The following TPRG1L variants were observed in gnomAD, a reference collection of about 807,000 sequenced individuals.
The protein encoded by TPRG1L is tumor protein p63 regulated 1 like.
Under a neutral mutation model 29.4 loss-of-function variants are expected in TPRG1L, and 25 were observed. The observed-to-expected ratio is 0.85, with a 90% CI of 0.62 to 1.19. The LOEUF is 1.19. Among genes scored for constraint, TPRG1L ranks in the 50% most tolerant of loss-of-function variants. The pLI is 0.00. For synonymous variants in TPRG1L, 182 were observed against 151.1 expected, an observed-to-expected ratio of 1.20 and a Z score of -1.50; for missense variants, 354 against 364.4, an observed-to-expected ratio of 0.97 and a Z score of 0.23.
At chr1:3,625,677 G>T in intron 2 of TPRG1L, 36 bp from the exon 3 acceptor site, 1 of 1,592,038 alleles carries the variant, frequency 6.3e-7, no homozygotes, top group Non-Finnish European at 8.6e-7. Flanking sequence ...AGACAGCCGC[G>T]TCCAGTGTGG....
At position 3,625,532 on chromosome 1, in the gene TPRG1L, C is replaced by T. The variant is rs768248455; in HGVS notation, c.293+17C>T. The T allele has an allele frequency of 1.9e-6, 3 of 1,585,738 alleles. No homozygotes were observed. Among genetic ancestry groups the T allele is most frequent in the Non-Finnish European group, 2.6e-6 (3 of 1,168,102 alleles). On this transcript the variant is annotated intron_variant, in intron 2 of 4. Transcript: ENST00000378344. ...GCTTACCGAGTAAGCCGGGGCTGCG[C>T]TCTCCTTGGTGGGGGGACTCGCCCC...
In TPRG1L at chr1:3,625,110, C is replaced by A; in HGVS notation, c.38C>A (p.Thr13Lys). The A allele has an allele frequency of 8.2e-7, 1 of 1,224,636 alleles. No homozygotes were observed. The allele number at this position is 1,224,636 out of a possible 1,614,324, so 75.9% of individuals were successfully genotyped here. ...CGGGACTCGGTGGACTCGGCCGGTA[C>A]GAGCCCCACGGCGGTGCTGGCGGCC... ...QLRDSVDSAGTSPTAVLAAGE... is the reference protein window; with the variant it reads ...QLRDSVDSAGKSPTAVLAAGE... The change falls in exon 1 of 5, where the codon ACG becomes AAG. Residue 13 changes from threonine to lysine, a missense_variant. Transcript: ENST00000378344.
In TPRG1L at chr1:3,628,546, C is replaced by G; in HGVS notation, c.762C>G (p.Phe254Leu). 6.2e-7 allele frequency: 1 copy of G among 1,613,230 alleles called. No individual in the cohort carries two copies. Among genetic ancestry groups the G allele is most frequent in the South Asian group, 1.1e-5 (1 of 91,010 alleles). The change falls in exon 5 of 5, where the codon TTC becomes TTG. Residue 254 changes from phenylalanine to leucine, a missense_variant. Transcript: ENST00000378344. ...AGACCTACGTGGGACTCATGTCCTTCATTAACAACGAGGCGAAACTGGGCT... is the reference window on the plus strand; with the variant it reads ...AGACCTACGTGGGACTCATGTCCTTGATTAACAACGAGGCGAAACTGGGCT... ...LIETYVGLMS[F>L]INNEAKLGYS...
rs1240839032 is a variant in TPRG1L, at chr1:3,629,869, C to T, written c.*1266C>T. 3 of 152,224 alleles carry T rather than the reference C, an allele frequency of 2.0e-5. No individual in the cohort carries two copies. The highest frequency in any genetic ancestry group is 2.0e-4 in the Admixed American group (3 of 15,284). 9.4% of individuals were successfully genotyped at this position (152,224 alleles called of 1,614,324 possible). On this transcript the variant is annotated 3_prime_UTR_variant, in exon 5 of 5. Transcript: ENST00000378344. ...TCCCCACAGGGACCCACGCACCTCC[C>T]TGTATCTGCGCAGCTTGCTCGTGTG...
Position 3,625,785 on chromosome 1 carries a change from C to G in TPRG1L, c.366C>G (p.Tyr122Ter). The change falls in exon 3 of 5, where the codon TAC (tyrosine) becomes TAG (stop). Residue 122 changes from tyrosine (Y) to a stop codon, truncating the protein, a stop_gained. Coordinates refer to ENST00000378344, the MANE Select transcript of TPRG1L (RefSeq NM_182752.4). LOFTEE classifies it high-confidence loss of function. ...AGCAGTCCCTGCTTATCTGTAAATA[C>G]GACTTCATCAGTCTCCAGTGCCAGC... is the stretch of plus-strand genomic sequence containing the variant. ...VTEQSLLICK[Y>*]DFISLQCQQV... 6.2e-7 allele frequency: 1 copy of G among 1,613,756 alleles called. No homozygotes were observed. The highest frequency in any genetic ancestry group is 8.5e-7 in the Non-Finnish European group (1 of 1,180,012).
chr1:3,625,198 G>T lies in TPRG1L; in HGVS notation c.126G>T (p.Leu42=). 7.7e-7 allele frequency: 1 copy of T among 1,292,600 alleles called. No individual in the cohort carries two copies. The allele number at this position is 1,292,600 out of a possible 1,614,324, so 80.1% of individuals were successfully genotyped here. The change falls in exon 1 of 5, where the codon CTG becomes CTT. Residue 42 remains leucine, a synonymous_variant. Transcript: ENST00000378344. ...GGCGGCCGGGGGCGGGGACGCCGCT[G>T]CGCCAGACACTCTGGCCTCTCAGCA... The part of the protein sequence containing the change: ...GGGRPGAGTP[L]RQTLWPLSIH...
intron 2 of TPRG1L, 21 bp downstream of exon 2, chr1:3,625,536 C>A (rs778602427): frequency 6.3e-7 from 1 of 1,581,506 alleles, no homozygotes; most frequent in South Asian, 1.1e-5. Context: ...GCTGCGCTCT[C>A]CTTGGTGGGG....
At position 3,625,056 on chromosome 1, in the gene TPRG1L, C is replaced by G; in HGVS notation, c.-17C>G. 1.7e-6 allele frequency: 2 copies of G among 1,199,624 alleles called. No individual in the cohort carries two copies. Among genetic ancestry groups the G allele is most frequent in the East Asian group, 3.7e-5 (1 of 27,268 alleles). The allele number at this position is 1,199,624 out of a possible 1,614,324, so 74.3% of individuals were successfully genotyped here. A position where few individuals can be genotyped will look rare whatever the true frequency, so the allele number is the denominator to read the frequency against. ...GTCGCGTCGGCGTCAGGGTCGGGGT[C>G]GGTAAGGGGTGCGGCAATGCTGCAA... On this transcript the variant is annotated 5_prime_UTR_variant, in exon 1 of 5. Transcript: ENST00000378344.
intron 4 of TPRG1L, 59 bp from the exon 5 acceptor site, chr1:3,628,350 G>T (rs1365152637): frequency 4.8e-6 from 7 of 1,447,164 alleles, no homozygotes; most frequent in Non-Finnish European, 6.6e-6. Flanking sequence ...ATTTTTTCAA[G>T]TAATAGACAT....
chr1:3,626,775 T>C (rs538582167), intron 3 of TPRG1L, among the ~76,000 whole-genome samples: 5 of 152,066 alleles, frequency 3.3e-5, no homozygotes, highest in Admixed American at 2.0e-4. Flanking sequence ...GATGGGGTTT[T>C]GCTAGGTTGC....
rs947661131 is a variant in TPRG1L at position 3,625,408 on chromosome 1, C to A, written c.202-16C>A. On this transcript the variant is annotated splice_polypyrimidine_tract_variant and intron_variant, in intron 1 of 4. Transcript: ENST00000378344. ...TGTGATCTTTGCCCCCGTCCCCCAC[C>A]CCGCAACCCGCCCAGCCCGGCAGCA... 3.2e-6 allele frequency: 5 copies of A among 1,575,076 alleles called. No homozygotes were observed. In the African/African-American group the frequency reaches 4.0e-5, roughly 13 times the overall value.
rs1644510638 is a variant in TPRG1L, at chr1:3,629,545, G to A, written c.*942G>A. 6.6e-6 allele frequency: 1 copy of A among 150,484 alleles called. No homozygotes were observed. Among genetic ancestry groups the A allele is most frequent in the Admixed American group, 6.6e-5 (1 of 15,052 alleles). The allele number at this position is 150,484 out of a possible 1,614,324, so 9.3% of individuals were successfully genotyped here. On this transcript the variant is annotated 3_prime_UTR_variant, in exon 5 of 5. Coordinates refer to ENST00000378344, the MANE Select transcript of TPRG1L (RefSeq NM_182752.4). ...GTTGCAGAGCAGCCTGGGCAACATG[G>A]TGAAACCCGTCTCTACCAAACAGAC...
chr1:3,625,484 G>T lies in TPRG1L; in HGVS notation c.262G>T (p.Gly88Cys), dbSNP rs1441756679. Residue 88 changes from glycine (G) to cysteine (C), a missense_variant, in exon 2 of 5, where the codon GGC becomes TGC. Gly to Cys is a radical substitution (Grantham distance 159). Transcript: ENST00000378344. ...CGTGGTGGTGCGGCCCGTGGAGGACGGCGAGATCCAGGGAGTGTGGCTGCT... is the reference window on the plus strand; with the variant it reads ...CGTGGTGGTGCGGCCCGTGGAGGACTGCGAGATCCAGGGAGTGTGGCTGCT... Reference protein sequence around the residue: ...IRVVVRPVEDGEIQGVWLLTE... With the variant: ...IRVVVRPVEDCEIQGVWLLTE... 8 of 1,607,516 alleles carry T rather than the reference G, an allele frequency of 5.0e-6. No individual in the cohort carries two copies. The South Asian group carries it at 8.9e-5, about 18-fold the overall frequency.
chr1:3,625,055 T>G lies in TPRG1L; in HGVS notation c.-18T>G. The G allele has an allele frequency of 8.4e-7, 1 of 1,183,918 alleles. No homozygotes were observed. Among genetic ancestry groups the G allele is most frequent in the South Asian group, 4.3e-5 (1 of 23,466 alleles). 73.3% of individuals were successfully genotyped at this position (1,183,918 alleles called of 1,614,324 possible). ...GGTCGCGTCGGCGTCAGGGTCGGGGTCGGTAAGGGGTGCGGCAATGCTGCA... is the reference window on the plus strand; with the variant it reads ...GGTCGCGTCGGCGTCAGGGTCGGGGGCGGTAAGGGGTGCGGCAATGCTGCA... On this transcript the variant is annotated 5_prime_UTR_variant, in exon 1 of 5. Coordinates refer to ENST00000378344, the MANE Select transcript of TPRG1L (RefSeq NM_182752.4).
Position 3,629,704 on chromosome 1 carries a change from G to T in TPRG1L, c.*1101G>T, listed in dbSNP as rs199881245. 3 of 61,598 alleles carry T rather than the reference G, an allele frequency of 4.9e-5. No homozygotes were observed. The highest frequency in any genetic ancestry group is 1.0e-4 in the African/African-American group (3 of 29,816). 3.8% of individuals were successfully genotyped at this position (61,598 alleles called of 1,614,324 possible). ...CACCACTTATTGCACTCCAGCCCGGGCGACAGAGCGAGACTCCATCTACCA... is the reference window on the plus strand; with the variant it reads ...CACCACTTATTGCACTCCAGCCCGGTCGACAGAGCGAGACTCCATCTACCA... On this transcript the variant is annotated 3_prime_UTR_variant, in exon 5 of 5. Coordinates refer to ENST00000378344, the MANE Select transcript of TPRG1L (RefSeq NM_182752.4).
Position 3,625,512 on chromosome 1 carries a change from C to T in TPRG1L, c.290C>T (p.Thr97Ile). 6.2e-7 allele frequency: 1 copy of T among 1,601,460 alleles called. No individual in the cohort carries two copies. Among genetic ancestry groups the T allele is most frequent in the South Asian group, 1.1e-5 (1 of 88,876 alleles). Residue 97 changes from threonine (T) to isoleucine (I), a missense_variant, in exon 2 of 5, where the codon ACC becomes ATC. Thr to Ile is a moderately conservative substitution (Grantham distance 89, BLOSUM62 -1). Transcript: ENST00000378344. ...DGEIQGVWLL[T>I]EVDHWNNEKE... ...GAGATCCAGGGAGTGTGGCTGCTTA[C>T]CGAGTAAGCCGGGGCTGCGCTCTCC...
rs778447648 is a variant in TPRG1L, at chr1:3,628,554, A to T, written c.770A>T (p.Asn257Ile). ...TYVGLMSFIN[N>I]EAKLGYSMTR... ...GTGGGACTCATGTCCTTCATTAACA[A>T]CGAGGCGAAACTGGGCTACTCCATG... The change falls in exon 5 of 5, where the codon AAC becomes ATC. Residue 257 changes from asparagine to isoleucine, a missense_variant. Coordinates refer to ENST00000378344, the MANE Select transcript of TPRG1L (RefSeq NM_182752.4). 6.2e-7 allele frequency: 1 copy of T among 1,613,034 alleles called. No homozygotes were observed. Among genetic ancestry groups the T allele is most frequent in the Non-Finnish European group, 8.5e-7 (1 of 1,179,444 alleles).
In TPRG1L at chr1:3,629,827, G is replaced by C. The variant is rs1253915227; in HGVS notation, c.*1224G>C. ...CTCACACTAAACATGCCCGGGCTTC[G>C]ATGTGCCTGGAGGATTTCCCCACAG... On this transcript the variant is annotated 3_prime_UTR_variant, in exon 5 of 5. Transcript: ENST00000378344. 6.6e-6 allele frequency: 1 copy of C among 152,288 alleles called. No homozygotes were observed. The highest frequency in any genetic ancestry group is 2.4e-5 in the African/African-American group (1 of 41,464). The allele number at this position is 152,288 out of a possible 1,614,324, so 9.4% of individuals were successfully genotyped here. A position where few individuals can be genotyped will look rare whatever the true frequency, so the allele number is the denominator to read the frequency against.
In TPRG1L at chr1:3,627,752, C is replaced by T. The variant is rs567079788; in HGVS notation, c.624+99C>T. 7 of 1,490,416 alleles carry T rather than the reference C, an allele frequency of 4.7e-6. No homozygotes were observed. In the South Asian group the frequency reaches 6.1e-5, roughly 13 times the overall value. The allele number at this position is 1,490,416 out of a possible 1,614,324, so 92.3% of individuals were successfully genotyped here. A position where few individuals can be genotyped will look rare whatever the true frequency, so the allele number is the denominator to read the frequency against. On this transcript the variant is annotated intron_variant, in intron 4 of 4. Transcript: ENST00000378344. ...TCAGGTCTGCACTGTCCGGCGGCCACGCGGAGCTGCCGAGCACTTGAGACG... is the reference window on the plus strand; with the variant it reads ...TCAGGTCTGCACTGTCCGGCGGCCATGCGGAGCTGCCGAGCACTTGAGACG...
Sources: allele counts gnomAD v4.1 joint callset (sites outside exome capture counted in the v4.1 genomes callset), GRCh38; gene constraint gnomAD v4.1.1; transcripts MANE v1.5; gene names NCBI Gene and HGNC (gene_info 2026-07-23, HGNC 2026-07-21).